Variants in ASXL2 observed in about 807,000 individuals in gnomAD.
ASXL2 encodes the protein putative Polycomb group protein ASXL2.
ASXL2 carries 23 observed loss-of-function variants against 122.0 expected under a neutral mutation model. The observed-to-expected ratio is 0.19, with a 90% CI of 0.14 to 0.27. The LOEUF (loss-of-function observed/expected upper bound fraction) is 0.27, where lower values mean the gene tolerates loss of function less well. ASXL2 is among the 10% of genes least tolerant of loss of function. ASXL2 has a pLI of 1.00. For synonymous variants in ASXL2, 650 were observed against 637.0 expected, an observed-to-expected ratio of 1.02 and a Z score of -0.31; for missense variants, 1,518 against 1,713.8, an observed-to-expected ratio of 0.89 and a Z score of 2.02.
intron 1 of ASXL2, chr2:25,856,796 G>T (rs945711665): frequency 1.6e-6 from 2 of 1,240,072 alleles, no homozygotes; most frequent in Admixed American, 3.5e-5. Flanking sequence ...TCCTCTTGGG[G>T]TTGGTGACTG....
Position 25,806,217 on chromosome 2 carries a change from CA to C in ASXL2, c.252+11del. Reference sequence around the variant, plus strand: ...TTTTTCTTTCTAAATGACTCCCCAACAAAATATTTACCTTCAAAGTATATAC... The same window carrying C: ...TTTTTCTTTCTAAATGACTCCCCAACAAATATTTACCTTCAAAGTATATAC... On this transcript the variant is annotated intron_variant, in intron 4 of 12. Coordinates refer to ENST00000435504, the MANE Select transcript of ASXL2 (RefSeq NM_018263.6). 6.4e-7 allele frequency: 1 copy of C among 1,565,282 alleles called. No individual in the cohort carries two copies. The highest frequency in any genetic ancestry group is 8.8e-7 in the Non-Finnish European group (1 of 1,140,522).
intron 1 of ASXL2, among the ~76,000 whole-genome samples, chr2:25,848,770 G>A (rs1401294409): frequency 3.3e-5 from 5 of 151,928 alleles, no homozygotes; most frequent in Admixed American, 2.0e-4. Flanking sequence ...AGGAGGCCGG[G>A]CACCGTGACT....
intron 12 of ASXL2, 47 bp downstream of exon 12, chr2:25,749,649 T>C (rs371776034): frequency 9.8e-6 from 14 of 1,423,480 alleles, no homozygotes; most frequent in South Asian, 3.4e-5. Flanking sequence ...ACCAAAAACA[T>C]AGGGTTCAGA....
chr2:25,768,311 A>AT (rs953001832), intron 7 of ASXL2, among the ~76,000 whole-genome samples: 8 of 151,426 alleles, frequency 5.3e-5, no homozygotes, highest in African/African-American at 1.7e-4. Flanking sequence ...CAGTGCTAAC[A>AT]TTTTTTTTTG....
intron 2 of ASXL2, among the ~76,000 whole-genome samples, chr2:25,843,281 G>A (rs1306964109): frequency 2.9e-5 from 4 of 139,218 alleles, no homozygotes; most frequent in Admixed American, 1.5e-4. Context: ...CAGCCTGGGC[G>A]ACACAGAGAG....
At chr2:25,867,648 C>A (rs1274999921) in intron 1 of ASXL2, among the ~76,000 whole-genome samples, 50 of 152,118 alleles carry the variant, frequency 3.3e-4, no homozygotes, top group Non-Finnish European at 2.2e-4. Flanking sequence ...CCTAAAAATT[C>A]TCTATTACTC....
In ASXL2 at chr2:25,739,563, C is replaced by T. The variant is rs996821642; in HGVS notation, c.*2466G>A. ...GGCAATATCTGTTTTAGGAGTATTC[C>T]TAAATGCAAATATTTAGCTGAGTAT... On this transcript the variant is annotated 3_prime_UTR_variant, in exon 13 of 13. Coordinates refer to ENST00000435504, the MANE Select transcript of ASXL2 (RefSeq NM_018263.6). 2.6e-5 allele frequency: 5 copies of T among 192,658 alleles called. No individual in the cohort carries two copies. The highest frequency in any genetic ancestry group is 1.2e-4 in the African/African-American group (5 of 42,942). The allele number at this position is 192,658 out of a possible 1,614,324, so 11.9% of individuals were successfully genotyped here.
Position 25,737,002 on chromosome 2 carries a change from A to T in ASXL2, c.*5027T>A, listed in dbSNP as rs1559495381. 2.0e-5 allele frequency: 3 copies of T among 151,984 alleles called. No individual in the cohort carries two copies. The highest frequency in any genetic ancestry group is 2.1e-4 in the South Asian group (1 of 4,818). The allele number at this position is 151,984 out of a possible 1,614,324, so 9.4% of individuals were successfully genotyped here. On this transcript the variant is annotated 3_prime_UTR_variant, in exon 13 of 13. Transcript: ENST00000435504. ...CAATCTCGGTATGGGAACATAGACAACCTCTCCTACCAACTGGCTCAGACC... is the reference window on the plus strand; with the variant it reads ...CAATCTCGGTATGGGAACATAGACATCCTCTCCTACCAACTGGCTCAGACC...
chr2:25,821,103 C>G (rs1330440318), intron 3 of ASXL2, among the ~76,000 whole-genome samples: 1 of 152,060 alleles, frequency 6.6e-6, no homozygotes, highest in East Asian at 1.9e-4. Context: ...AGCTTGAACC[C>G]GGGAGATGGA....
rs556809098 is a variant in ASXL2 at position 25,770,493 on chromosome 2, G to A, written c.504+947C>T. The stretch of plus-strand genomic sequence containing the variant: ...ATCTAGGCCAGGTGCGGTGGCTCAC[G>A]CCTGTAATCTCAGCACTTTGGAAGG... On this transcript the variant is annotated intron_variant, in intron 6 of 12. Transcript: ENST00000435504. 1.6e-4 allele frequency among the ~76,000 whole-genome samples: 24 copies of A among 152,282 alleles called. No individual in the cohort carries two copies. In the East Asian group the frequency reaches 1.9e-3, roughly 12 times the overall value.
intron 4 of ASXL2, among the ~76,000 whole-genome samples, chr2:25,803,993 TC>T (rs397951053): frequency 1.3e-5 from 2 of 152,042 alleles, no homozygotes; most frequent in South Asian, 4.1e-4. Flanking sequence ...GGTTTTTTTT[TC>T]CCCCCAATCT....
chr2:25,838,380 G>C (rs904854114), intron 2 of ASXL2, among the ~76,000 whole-genome samples: 2 of 152,176 alleles, frequency 1.3e-5, no homozygotes, highest in African/African-American at 4.8e-5. Context: ...CTGTTAATAA[G>C]TTCCAGTTAA....
chr2:25,737,635 C>T lies in ASXL2; in HGVS notation c.*4394G>A, dbSNP rs963822190. 1.3e-5 allele frequency: 2 copies of T among 152,210 alleles called. No individual in the cohort carries two copies. The highest frequency in any genetic ancestry group is 2.9e-5 in the Non-Finnish European group (2 of 68,038). The allele number at this position is 152,210 out of a possible 1,614,324, so 9.4% of individuals were successfully genotyped here. On this transcript the variant is annotated 3_prime_UTR_variant, in exon 13 of 13. Coordinates refer to ENST00000435504, the MANE Select transcript of ASXL2 (RefSeq NM_018263.6). ...TAACTGAGGACTCTTACCCACGCCA[C>T]TCTCAGATGTATGTTAAACCTCAAG... is the stretch of plus-strand genomic sequence containing the variant.
intron 9 of ASXL2, among the ~76,000 whole-genome samples, chr2:25,757,115 A>G (rs2088147699): frequency 6.6e-6 from 1 of 152,124 alleles, no homozygotes; most frequent in South Asian, 2.1e-4. Context: ...ATCCAAACCT[A>G]TGTTTTTCTC....
At chr2:25,769,651 C>G (rs1389325847) in intron 6 of ASXL2, among the ~76,000 whole-genome samples, 1 of 149,946 alleles carries the variant, frequency 6.7e-6, no homozygotes, top group African/African-American at 2.5e-5. Flanking sequence ...CAACTTTTAA[C>G]TTAAGGTTTT....
chr2:25,813,134 T>C (rs1378238255), intron 3 of ASXL2, among the ~76,000 whole-genome samples: 1 of 152,166 alleles, frequency 6.6e-6, no homozygotes, highest in Admixed American at 6.5e-5. Flanking sequence ...GTTCCAATAT[T>C]AAGTACCCAC....
At position 25,738,010 on chromosome 2, in the gene ASXL2, A is replaced by T. The variant is rs1030605847; in HGVS notation, c.*4019T>A. The T allele has an allele frequency of 6.6e-6, 1 of 152,156 alleles. No individual in the cohort carries two copies. Among genetic ancestry groups the T allele is most frequent in the Non-Finnish European group, 1.5e-5 (1 of 68,018 alleles). 9.4% of individuals were successfully genotyped at this position (152,156 alleles called of 1,614,324 possible). A position where few individuals can be genotyped will look rare whatever the true frequency, so the allele number is the denominator to read the frequency against. On this transcript the variant is annotated 3_prime_UTR_variant, in exon 13 of 13. Coordinates refer to ENST00000435504, the MANE Select transcript of ASXL2 (RefSeq NM_018263.6). The stretch of plus-strand genomic sequence containing the variant: ...AATAAGTCAATTTTCTTTTAAAATA[A>T]AAAATAAACCCCAAAACTATTCCCC...
rs1003633006 is a variant in ASXL2 at position 25,735,367 on chromosome 2, T to C, written c.*6662A>G. 15 of 152,218 alleles carry C rather than the reference T, an allele frequency of 9.9e-5. No homozygotes were observed. The highest frequency in any genetic ancestry group is 3.1e-4 in the African/African-American group (13 of 41,456). The allele number at this position is 152,218 out of a possible 1,614,324, so 9.4% of individuals were successfully genotyped here. On this transcript the variant is annotated 3_prime_UTR_variant, in exon 13 of 13. Coordinates refer to ENST00000435504, the MANE Select transcript of ASXL2 (RefSeq NM_018263.6). ...TACATAGTGGAATACACCAAATTCTTCTTTAAAAAGCGCTAGAGTCCTGCT... is the reference window on the plus strand; with the variant it reads ...TACATAGTGGAATACACCAAATTCTCCTTTAAAAAGCGCTAGAGTCCTGCT...
In ASXL2 at chr2:25,844,776, A is replaced by G. The variant is rs2089630365; in HGVS notation, c.140+705T>C. 2.0e-5 allele frequency among the ~76,000 whole-genome samples: 3 copies of G among 151,918 alleles called. No homozygotes were observed. The South Asian group carries it at 6.2e-4, about 32-fold the overall frequency. ...AATCCTCCAACTCAGCCTCTGAAAT[A>G]CTATAGGAGCACACCACCACATCTA... is the stretch of plus-strand genomic sequence containing the variant. On this transcript the variant is annotated intron_variant, in intron 2 of 12. Transcript: ENST00000435504.
Sources: allele counts gnomAD v4.1 joint callset (sites outside exome capture counted in the v4.1 genomes callset), GRCh38; gene constraint gnomAD v4.1.1; transcripts MANE v1.5; gene names NCBI Gene and HGNC (gene_info 2026-07-23, HGNC 2026-07-21).